GON7: variants seen among roughly 807,000 people sequenced by gnomAD.
The protein encoded by GON7 is EKC/KEOPS complex subunit GON7.
A neutral mutation model predicts 7.6 loss-of-function variants in GON7; 2 were observed. The ratio of observed to expected loss-of-function variants is 0.26; its 90% CI spans 0.11 to 0.83. The LOEUF is 0.83. GON7 is among the 40% of genes least tolerant of loss of function. The pLI, the probability that GON7 is intolerant of heterozygous loss-of-function variation, is 0.65. For synonymous variants in GON7, 54 were observed against 56.6 expected, an observed-to-expected ratio of 0.95 and a Z score of 0.20; for missense variants, 121 against 132.2, an observed-to-expected ratio of 0.92 and a Z score of 0.42.
At chr14:93,204,266 T>C (rs910728860) in intron 1 of GON7, among the ~76,000 whole-genome samples, 2 of 152,242 alleles carry the variant, frequency 1.3e-5, no homozygotes, top group African/African-American at 4.8e-5. Flanking sequence ...AGTGCTGGGA[T>C]TACAGGTATG....
In GON7 at chr14:93,202,929, A is replaced by C. The variant is rs967605997; in HGVS notation, c.*759T>G. 3.3e-5 allele frequency: 5 copies of C among 152,214 alleles called. No homozygotes were observed. Among genetic ancestry groups the C allele is most frequent in the Non-Finnish European group, 7.3e-5 (5 of 68,030 alleles). 9.4% of individuals were successfully genotyped at this position (152,214 alleles called of 1,614,324 possible). A position where few individuals can be genotyped will look rare whatever the true frequency, so the allele number is the denominator to read the frequency against. On this transcript the variant is annotated 3_prime_UTR_variant, in exon 2 of 2. Coordinates refer to ENST00000306954, the MANE Select transcript of GON7 (RefSeq NM_032490.5). The stretch of plus-strand genomic sequence containing the variant: ...ATATATATTTTTAAAAGGATTCAAT[A>C]ATCTTTTTAAAGCAAAATCAAAGTA...
At chr14:93,206,804 C>T (rs1894354801) in intron 1 of GON7, 26 bp downstream of exon 1, 7 of 1,593,592 alleles carry the variant, frequency 4.4e-6, no homozygotes, top group African/African-American at 4.0e-5. Context: ...GTCCTCCGGT[C>T]ACTGCAGCAC....
At chr14:93,204,737 C>T (rs1894309909) in intron 1 of GON7, among the ~76,000 whole-genome samples, 1 of 152,174 alleles carries the variant, frequency 6.6e-6, no homozygotes, top group South Asian at 2.1e-4. Context: ...TACTTCATTA[C>T]TTTTTATTGC....
chr14:93,204,942 C>T (rs1894312167), intron 1 of GON7, among the ~76,000 whole-genome samples: 1 of 152,168 alleles, frequency 6.6e-6, no homozygotes, highest in Non-Finnish European at 1.5e-5. Flanking sequence ...TCACATGATC[C>T]TCCCACCTCC....
At chr14:93,206,062 G>C (rs532352734) in intron 1 of GON7, among the ~76,000 whole-genome samples, 1 of 152,042 alleles carries the variant, frequency 6.6e-6, no homozygotes, top group Non-Finnish European at 1.5e-5. Flanking sequence ...ATAGAGTGCA[G>C]TGGCGCGATC....
chr14:93,205,999 T>G (rs1045520796), intron 1 of GON7, among the ~76,000 whole-genome samples: 9 of 152,270 alleles, frequency 5.9e-5, no homozygotes, highest in African/African-American at 1.9e-4. Flanking sequence ...ACAGAACCAC[T>G]TTCACTTTTT....
At position 93,203,593 on chromosome 14, in the gene GON7, T is replaced by G. The variant is rs1894289368; in HGVS notation, c.*95A>C. On this transcript the variant is annotated 3_prime_UTR_variant, in exon 2 of 2. Transcript: ENST00000306954. ...AATTGTCCCAGGAGAACAACACAAATGCTTTTTCCAAATTAGAGCATAAGT... is the reference window on the plus strand; with the variant it reads ...AATTGTCCCAGGAGAACAACACAAAGGCTTTTTCCAAATTAGAGCATAAGT... 1.9e-6 allele frequency: 2 copies of G among 1,073,538 alleles called. No individual in the cohort carries two copies. Among genetic ancestry groups the G allele is most frequent in the Non-Finnish European group, 2.8e-6 (2 of 723,774 alleles). The allele number at this position is 1,073,538 out of a possible 1,614,324, so 66.5% of individuals were successfully genotyped here.
At position 93,207,004 on chromosome 14, in the gene GON7, C is replaced by T; in HGVS notation, c.34G>A (p.Gly12Arg). ...ELLGEYVGQE[G>R]KPQKLRVSCE... Reference sequence around the variant, plus strand: ...GACACCCGCAGCTTCTGCGGCTTCCCTTCCTGCCCGACGTACTCTCCCAGC... The same window carrying T: ...GACACCCGCAGCTTCTGCGGCTTCCTTTCCTGCCCGACGTACTCTCCCAGC... The change falls in exon 1 of 2, where the codon GGG (glycine) becomes AGG (arginine). Residue 12 changes from glycine to arginine, a missense_variant. Gly to Arg is a moderately radical substitution (Grantham distance 125). Transcript: ENST00000306954. The T allele has an allele frequency of 6.2e-7, 1 of 1,613,932 alleles. No homozygotes were observed. The highest frequency in any genetic ancestry group is 8.5e-7 in the Non-Finnish European group (1 of 1,180,020).
rs1472461537 is a variant in GON7 at position 93,207,023 on chromosome 14, T to G, written c.15A>C (p.Gly5=). ...GCTTCCCTTCCTGCCCGACGTACTC[T>G]CCCAGCAGCTCCATGGTGACCGCTA... is the stretch of plus-strand genomic sequence containing the variant. MELL[G]EYVGQEGKPQ... is the part of the protein sequence containing the mutation. The change falls in exon 1 of 2, where the codon GGA becomes GGC. Residue 5 remains glycine (G), a synonymous_variant. Coordinates refer to ENST00000306954, the MANE Select transcript of GON7 (RefSeq NM_032490.5). 3.1e-6 allele frequency: 5 copies of G among 1,613,222 alleles called. No individual in the cohort carries two copies. Among genetic ancestry groups the G allele is most frequent in the Non-Finnish European group, 3.4e-6 (4 of 1,179,938 alleles).
chr14:93,206,969 C>T lies in GON7; in HGVS notation c.69G>A (p.Ala23=). 2 of 1,614,226 alleles carry T rather than the reference C, an allele frequency of 1.2e-6. No homozygotes were observed. The highest frequency in any genetic ancestry group is 1.7e-6 in the Non-Finnish European group (2 of 1,180,044). The change falls in exon 1 of 2, where the codon GCG becomes GCA. Residue 23 remains alanine, a synonymous_variant. Coordinates refer to ENST00000306954, the MANE Select transcript of GON7 (RefSeq NM_032490.5). ...CCTGGAAAGGGTCGCCGTCACCCGG[C>T]GCCTCACAGGACACCCGCAGCTTCT... ...KPQKLRVSCE[A]PGDGDPFQGL...
intron 1 of GON7, among the ~76,000 whole-genome samples, chr14:93,205,545 T>C (rs1421998075): frequency 6.6e-6 from 1 of 151,962 alleles, no homozygotes. Context: ...CGGGTGCCTG[T>C]AATCCCAGTT....
chr14:93,203,904 G>T, intron 1 of GON7, 122 bp from the exon 2 acceptor site: 2 of 588,428 alleles, frequency 3.4e-6, no homozygotes, highest in South Asian at 3.0e-5. Context: ...GCACATTTTA[G>T]ATTAAAATGA....
chr14:93,206,195 G>C (rs1894339435), intron 1 of GON7, among the ~76,000 whole-genome samples: 1 of 152,130 alleles, frequency 6.6e-6, no homozygotes, highest in Non-Finnish European at 1.5e-5. Flanking sequence ...ATTTTTAGTA[G>C]AGACAGGGTT....
intron 1 of GON7, among the ~76,000 whole-genome samples, chr14:93,205,594 G>A (rs1429661305): frequency 6.6e-6 from 1 of 151,922 alleles, no homozygotes; most frequent in Admixed American, 6.6e-5. Context: ...TTGAACCGGG[G>A]AGGGAGAGGT....
At chr14:93,205,255 C>T (rs1894316679) in intron 1 of GON7, among the ~76,000 whole-genome samples, 1 of 152,208 alleles carries the variant, frequency 6.6e-6, no homozygotes, top group African/African-American at 2.4e-5. Flanking sequence ...TAGCCAACAT[C>T]CATATTATCA....
At chr14:93,204,628 C>T (rs1894307667) in intron 1 of GON7, among the ~76,000 whole-genome samples, 2 of 152,148 alleles carry the variant, frequency 1.3e-5, no homozygotes, top group Admixed American at 6.6e-5. Context: ...CTATTCTGTA[C>T]ATTCATATAA....
rs1045532 is a variant in GON7 at position 93,206,983 on chromosome 14, C to A, written c.55G>T (p.Val19Leu). The change falls in exon 1 of 2, where the codon GTG becomes TTG. Residue 19 changes from valine to leucine, a missense_variant. Coordinates refer to ENST00000306954, the MANE Select transcript of GON7 (RefSeq NM_032490.5). ...CCGTCACCCGGCGCCTCACAGGACA[C>A]CCGCAGCTTCTGCGGCTTCCCTTCC... ...GQEGKPQKLR[V>L]SCEAPGDGDP... 1 of 1,614,194 alleles carries A rather than the reference C, an allele frequency of 6.2e-7. No individual in the cohort carries two copies.
chr14:93,205,995 C>A (rs1014066759), intron 1 of GON7, among the ~76,000 whole-genome samples: 9 of 152,134 alleles, frequency 5.9e-5, no homozygotes, highest in African/African-American at 2.2e-4. Flanking sequence ...GACCACAGAA[C>A]CACTTTCACT....
intron 1 of GON7, 33 bp downstream of exon 1, chr14:93,206,797 C>T (rs765170866): frequency 2.4e-5 from 38 of 1,586,354 alleles, no homozygotes; most frequent in Non-Finnish European, 3.3e-5. Context: ...CCGCCCCGTC[C>T]TCCGGTCACT....
Sources: gnomAD v4.1 joint callset for allele counts (sites outside exome capture counted in the v4.1 genomes callset) on GRCh38, gnomAD v4.1.1 for gene constraint, MANE v1.5 for transcripts, NCBI Gene and HGNC (gene_info 2026-07-23, HGNC 2026-07-21) for gene names.